Variants in JADE1 observed in about 807,000 individuals in gnomAD.
JADE1 encodes the protein protein Jade-1.
A neutral mutation model predicts 81.8 loss-of-function variants in JADE1; 14 were observed. The ratio of observed to expected loss-of-function variants is 0.17; its 90% confidence interval spans 0.11 to 0.27. JADE1 has a LOEUF of 0.27. Among genes scored for constraint, JADE1 ranks in the 10% least tolerant of loss-of-function variants. The pLI is 1.00. For missense variants in JADE1, 690 were observed against 1,047.9 expected, an observed-to-expected ratio of 0.66 and a Z score of 4.71; for synonymous variants, 353 against 391.9, an observed-to-expected ratio of 0.90 and a Z score of 1.17.
chr4:128,849,428 T>G (rs1045345695), intron 5 of JADE1, among the ~76,000 whole-genome samples: 2 of 152,162 alleles, frequency 1.3e-5, no homozygotes, highest in Non-Finnish European at 2.9e-5. Context: ...AACTCCCTCA[T>G]TCACTTACCT....
chr4:128,868,870 C>T (rs1299367876), intron 10 of JADE1, among the ~76,000 whole-genome samples: 1 of 152,200 alleles, frequency 6.6e-6, no homozygotes, highest in Non-Finnish European at 1.5e-5. Context: ...AGCCTCTCTC[C>T]TGCCTTGGAC....
intron 1 of JADE1, among the ~76,000 whole-genome samples, chr4:128,824,059 G>C (rs1175186301): frequency 6.6e-6 from 1 of 152,142 alleles, no homozygotes; most frequent in Non-Finnish European, 1.5e-5. Context: ...TCTATGTTCA[G>C]TAATTTAGGA....
chr4:128,858,636 T>C (rs1305109634), intron 8 of JADE1, among the ~76,000 whole-genome samples: 2 of 150,376 alleles, frequency 1.3e-5, no homozygotes, highest in Non-Finnish European at 3.0e-5. Context: ...AGAGTCTCAC[T>C]CTGTCGCCCA....
At chr4:128,827,848 G>C (rs1189530404) in intron 1 of JADE1, 1 of 984,494 alleles carries the variant, frequency 1.0e-6, no homozygotes, top group Non-Finnish European at 1.2e-6. Context: ...TGGCTATAAG[G>C]TGAGAATGGA....
chr4:128,853,090 C>G (rs1183714533), intron 6 of JADE1, among the ~76,000 whole-genome samples: 2 of 152,078 alleles, frequency 1.3e-5, no homozygotes, highest in Non-Finnish European at 2.9e-5. Context: ...GTTGGCCAGG[C>G]TGGTCTCGAA....
intron 1 of JADE1, among the ~76,000 whole-genome samples, chr4:128,825,370 C>T (rs926800342): frequency 1.3e-5 from 2 of 152,198 alleles, no homozygotes; most frequent in African/African-American, 2.4e-5. Flanking sequence ...TCCTTCTCTC[C>T]TTGTCCATGA....
intron 9 of JADE1, among the ~76,000 whole-genome samples, chr4:128,866,134 A>G (rs1177460888): frequency 1.3e-5 from 2 of 152,174 alleles, no homozygotes; most frequent in African/African-American, 4.8e-5. Flanking sequence ...AGTTGGTGAG[A>G]ATTTCTATAA....
intron 1 of JADE1, chr4:128,811,145 G>A (rs1459422368): frequency 6.6e-6 from 1 of 152,338 alleles, no homozygotes; most frequent in Non-Finnish European, 1.5e-5. Flanking sequence ...ATGCGGGAGA[G>A]GGATGGAATG....
chr4:128,842,162 A>G (rs1455153133), intron 2 of JADE1, among the ~76,000 whole-genome samples: 1 of 152,108 alleles, frequency 6.6e-6, no homozygotes, highest in East Asian at 1.9e-4. Flanking sequence ...TATGCTAGCT[A>G]TTTACTACAC....
chr4:128,813,821 C>T (rs543200319), intron 1 of JADE1, among the ~76,000 whole-genome samples: 1 of 152,072 alleles, frequency 6.6e-6, no homozygotes, highest in East Asian at 1.9e-4. Flanking sequence ...TTGGCATTGT[C>T]ATTTTAATGT....
rs66551703 is a variant in JADE1, at chr4:128,821,493, CTT to C, written c.-26-10223_-26-10222del. 3.5e-3 allele frequency among the ~76,000 whole-genome samples: 411 copies of C among 118,786 alleles called. 2 individuals carry two copies. Among genetic ancestry groups the C allele is most frequent in the East Asian group, 7.1e-3 (30 of 4,238 alleles). The allele number at this position is 118,786 out of a possible 152,430, so 77.9% of individuals were successfully genotyped here. On this transcript the variant is annotated intron_variant, in intron 1 of 10. Transcript: ENST00000226319. ...GGATAAGGAGTTGAAATGGCTTCTT[CTT>C]TTTTTTTTTTTTTTTTGAGAGGGAA...
intron 2 of JADE1, among the ~76,000 whole-genome samples, chr4:128,832,660 C>A (rs1728651943): frequency 6.6e-6 from 1 of 152,170 alleles, no homozygotes; most frequent in African/African-American, 2.4e-5. Context: ...TTTTGATGCA[C>A]TGTGGAAACA....
At chr4:128,840,709 C>T (rs113586225) in intron 2 of JADE1, among the ~76,000 whole-genome samples, 13 of 152,358 alleles carry the variant, frequency 8.5e-5, no homozygotes, top group African/African-American at 2.9e-4. Flanking sequence ...AGATTTAGAA[C>T]TTCTGCAGGT....
chr4:128,857,859 C>T (rs1228857275), intron 8 of JADE1, among the ~76,000 whole-genome samples: 1 of 152,196 alleles, frequency 6.6e-6, no homozygotes, highest in African/African-American at 2.4e-5. Context: ...AGTGTAGCTG[C>T]AGACCCTGGC....
At position 128,872,541 on chromosome 4, in the gene JADE1, T is replaced by C; in HGVS notation, c.*279T>C. 1 of 363,692 alleles carries C rather than the reference T, an allele frequency of 2.7e-6. No individual in the cohort carries two copies. Among genetic ancestry groups the C allele is most frequent in the South Asian group, 4.4e-5 (1 of 22,826 alleles). 22.5% of individuals were successfully genotyped at this position (363,692 alleles called of 1,614,324 possible). ...AACACTAAAATAAAAATGAAATGTT[T>C]TAAAGAAGGCAAGGCTTAAATAAGC... On this transcript the variant is annotated 3_prime_UTR_variant, in exon 11 of 11. Transcript: ENST00000226319.
chr4:128,849,533 C>T (rs1449493625), intron 5 of JADE1, among the ~76,000 whole-genome samples: 1 of 152,176 alleles, frequency 6.6e-6, no homozygotes, highest in Non-Finnish European at 1.5e-5. Context: ...CATTCGGATT[C>T]CTTCTTTAGC....
Position 128,872,013 on chromosome 4 carries a change from G to C in JADE1, c.2280G>C (p.Gln760His). 6.2e-7 allele frequency: 1 copy of C among 1,613,888 alleles called. No homozygotes were observed. The highest frequency in any genetic ancestry group is 8.5e-7 in the Non-Finnish European group (1 of 1,179,868). The change falls in exon 11 of 11, where the codon CAG (glutamine) becomes CAC (histidine). Residue 760 changes from glutamine to histidine, a missense_variant. Coordinates refer to ENST00000226319, the MANE Select transcript of JADE1 (RefSeq NM_199320.4). ...GFRIPKKGER[Q>H]QQGEAHDGAC... ...GGATTCCAAAGAAGGGGGAACGGCA[G>C]CAGCAGGGAGAGGCCCACGATGGGG...
At chr4:128,855,542 T>G in intron 6 of JADE1, 88 bp from the exon 7 acceptor site, 4 of 1,310,654 alleles carry the variant, frequency 3.1e-6, no homozygotes, top group African/African-American at 3.0e-5. Context: ...TTAAAATCTT[T>G]CTAAGTGTTT....
chr4:128,836,967 A>G (rs757969867), intron 2 of JADE1, among the ~76,000 whole-genome samples: 9 of 152,306 alleles, frequency 5.9e-5, no homozygotes, highest in Admixed American at 1.3e-4. Context: ...GTGTCTCTCA[A>G]AGGTCCAAAG....
Sources: gnomAD v4.1 joint callset for allele counts (sites outside exome capture counted in the v4.1 genomes callset) on GRCh38, gnomAD v4.1.1 for gene constraint, MANE v1.5 for transcripts, NCBI Gene and HGNC (gene_info 2026-07-23, HGNC 2026-07-21) for gene names.